Variants in SLC20A2 observed in about 807,000 individuals in gnomAD.
SLC20A2 encodes the protein solute carrier family 20 member 2.
In SLC20A2, 30 loss-of-function variants were observed where a neutral mutation model predicts 61.0. The observed-to-expected ratio is 0.49, with a 90% confidence interval of 0.37 to 0.67. The LOEUF is 0.67. SLC20A2 is among the 30% of genes least tolerant of loss of function. SLC20A2 has a pLI of 0.00. For synonymous variants in SLC20A2, 351 were observed against 353.3 expected, an observed-to-expected ratio of 0.99 and a Z score of 0.07; for missense variants, 626 against 866.4, an observed-to-expected ratio of 0.72 and a Z score of 3.48.
At position 42,472,442 on chromosome 8, in the gene SLC20A2, A is replaced by G. The variant is rs1253339660; in HGVS notation, c.-52T>C. On this transcript the variant is annotated 5_prime_UTR_variant, in exon 2 of 11. Transcript: ENST00000520262. This position sits in a 1 kb window ranked among gnomAD's most constrained non-coding sequence, Gnocchi z 4.1. Reference sequence around the variant, plus strand: ...TCTTTTGCAGGAATATTTTAAATAAACAAAGCTTGAGGTTATAAACTTCGT... The same window carrying G: ...TCTTTTGCAGGAATATTTTAAATAAGCAAAGCTTGAGGTTATAAACTTCGT... The G allele has an allele frequency of 6.4e-7, 1 of 1,552,416 alleles. No homozygotes were observed. The highest frequency in any genetic ancestry group is 1.8e-5 in the Admixed American group (1 of 55,696).
chr8:42,539,498 T>C (rs1435048596), intron 1 of SLC20A2, among the ~76,000 whole-genome samples: 1 of 152,224 alleles, frequency 6.6e-6, no homozygotes, highest in Non-Finnish European at 1.5e-5. Context: ...AAAGGCAAAC[T>C]AAAAACTTAG....
At chr8:42,528,601 G>C (rs1410275837) in intron 1 of SLC20A2, among the ~76,000 whole-genome samples, 2 of 152,086 alleles carry the variant, frequency 1.3e-5, no homozygotes. Context: ...TAAAATCCTG[G>C]CTTAATCATT....
At chr8:42,459,229 C>T (rs1425626482) in intron 5 of SLC20A2, among the ~76,000 whole-genome samples, 2 of 101,854 alleles carry the variant, frequency 2.0e-5, no homozygotes. Flanking sequence ...GAGTGAGACT[C>T]TATCTCAAAA....
chr8:42,494,791 A>C (rs1280193760), intron 1 of SLC20A2, among the ~76,000 whole-genome samples: 5 of 151,812 alleles, frequency 3.3e-5, no homozygotes, highest in Admixed American at 3.3e-4. Flanking sequence ...TTCAAGTTTA[A>C]TTTTTTTTGA....
chr8:42,480,124 T>G (rs1001564220), intron 1 of SLC20A2, among the ~76,000 whole-genome samples: 1 of 152,214 alleles, frequency 6.6e-6, no homozygotes, highest in Non-Finnish European at 1.5e-5. Context: ...AGGTAGCCAC[T>G]ACAATGATGT....
intron 9 of SLC20A2, among the ~76,000 whole-genome samples, chr8:42,429,511 T>G (rs1430380213): frequency 6.6e-6 from 1 of 152,220 alleles, no homozygotes; most frequent in African/African-American, 2.4e-5. Context: ...CTCCAAATTT[T>G]GGTCATATTC....
At chr8:42,531,646 G>A (rs1484756325) in intron 1 of SLC20A2, among the ~76,000 whole-genome samples, 1 of 152,098 alleles carries the variant, frequency 6.6e-6, no homozygotes, top group Non-Finnish European at 1.5e-5. Flanking sequence ...GGGTCCAGAG[G>A]GGTAAGACCA....
chr8:42,441,248 G>T (rs370577010), intron 6 of SLC20A2, among the ~76,000 whole-genome samples: 1 of 150,412 alleles, frequency 6.6e-6, no homozygotes, highest in African/African-American at 2.5e-5. Context: ...TCCGCCTCCC[G>T]GGTTCAAGTG....
chr8:42,470,472 G>A (rs1415281241), intron 2 of SLC20A2, among the ~76,000 whole-genome samples: 1 of 151,992 alleles, frequency 6.6e-6, no homozygotes, highest in Non-Finnish European at 1.5e-5. Flanking sequence ...GCCCATCTCG[G>A]GGGCCTCCCA....
intron 4 of SLC20A2, among the ~76,000 whole-genome samples, chr8:42,461,166 AGACCAGG>A (rs1806665423): frequency 6.6e-6 from 1 of 152,206 alleles, no homozygotes; most frequent in South Asian, 2.1e-4. Context: ...GTGTCACACC[AGACCAGG>A]CAGGGGAGGC....
At chr8:42,534,948 TTAATA>T (rs1318956009) in intron 1 of SLC20A2, 1 of 152,136 alleles carries the variant, frequency 6.6e-6, no homozygotes, top group African/African-American at 2.4e-5. Flanking sequence ...GGAAAATAAC[TTAATA>T]TTATACACAA....
chr8:42,482,244 TTTTA>T (rs1423032747), intron 1 of SLC20A2, among the ~76,000 whole-genome samples: 1 of 152,156 alleles, frequency 6.6e-6, no homozygotes, highest in African/African-American at 2.4e-5. Flanking sequence ...AATTGTAAGA[TTTTA>T]TTTGTTATTT....
intron 10 of SLC20A2, among the ~76,000 whole-genome samples, chr8:42,423,267 T>C (rs1036314695): frequency 6.6e-6 from 1 of 152,068 alleles, no homozygotes; most frequent in Non-Finnish European, 1.5e-5. Flanking sequence ...TATTTCAATA[T>C]ATAATTAATT....
intron 10 of SLC20A2, among the ~76,000 whole-genome samples, chr8:42,427,251 G>T (rs1345180841): frequency 6.6e-6 from 1 of 152,252 alleles, no homozygotes; most frequent in Non-Finnish European, 1.5e-5. Context: ...TGAAGCTGGG[G>T]AAGCTTCTTG....
intron 1 of SLC20A2, among the ~76,000 whole-genome samples, chr8:42,507,792 T>G (rs1452949391): frequency 6.6e-6 from 1 of 152,204 alleles, no homozygotes; most frequent in Non-Finnish European, 1.5e-5. Flanking sequence ...AGGGAGTAAT[T>G]AGTAAGCATT....
At chr8:42,480,518 G>A (rs1055512864) in intron 1 of SLC20A2, 1 of 152,104 alleles carries the variant, frequency 6.6e-6, no homozygotes, top group Non-Finnish European at 1.5e-5. Flanking sequence ...TACTACCTAC[G>A]ATGTAAAACA....
chr8:42,467,272 T>G (rs1156699196), intron 2 of SLC20A2, among the ~76,000 whole-genome samples: 1 of 152,238 alleles, frequency 6.6e-6, no homozygotes, highest in Non-Finnish European at 1.5e-5. Context: ...TAGTGTTGGC[T>G]TTGTGTCCTT....
chr8:42,514,986 T>C (rs1229712944), intron 1 of SLC20A2, among the ~76,000 whole-genome samples: 1 of 152,160 alleles, frequency 6.6e-6, no homozygotes. Flanking sequence ...CTATCACTTC[T>C]AGTGTGAGAA....
chr8:42,420,227 T>C (rs368878320), intron 10 of SLC20A2, among the ~76,000 whole-genome samples: 1 of 152,182 alleles, frequency 6.6e-6, no homozygotes, highest in Non-Finnish European at 1.5e-5. Flanking sequence ...TTTGTCCATT[T>C]ACATACTAAA....
Sources: allele counts gnomAD v4.1 joint callset (sites outside exome capture counted in the v4.1 genomes callset), GRCh38; gene constraint gnomAD v4.1.1; non-coding constraint Gnocchi (gnomAD v3.1); transcripts MANE v1.5; gene names NCBI Gene and HGNC (gene_info 2026-07-23, HGNC 2026-07-21).